Variants in AFG2A observed in about 807,000 individuals in gnomAD.
AFG2A encodes AAA ATPase AFG2A, also known as ATPase family gene 2 protein homolog A.
the AFG2A span, among the ~76,000 whole-genome samples, chr4:123,078,527 A>C: frequency 6.6e-6 from 1 of 152,234 alleles, no homozygotes; most frequent in Non-Finnish European, 1.5e-5. Context: ...ATAGAGGTAA[A>C]GAGCATGGAT....
At chr4:123,023,225 G>A in the AFG2A span, among the ~76,000 whole-genome samples, 1 of 151,858 alleles carries the variant, frequency 6.6e-6, no homozygotes, top group South Asian at 2.1e-4. Context: ...GGAAAAAAAA[G>A]GGTTAAAACT....
At chr4:123,043,064 G>T in the AFG2A span, among the ~76,000 whole-genome samples, 16 of 152,142 alleles carry the variant, frequency 1.1e-4, no homozygotes, top group Admixed American at 5.2e-4. Flanking sequence ...TTGTAGTGGA[G>T]ATCTACTAGT....
the AFG2A span, among the ~76,000 whole-genome samples, chr4:122,929,459 C>G: frequency 6.6e-6 from 1 of 152,052 alleles, no homozygotes; most frequent in African/African-American, 2.4e-5. Flanking sequence ...TTTGGGAGGC[C>G]GAGGTGAGTG....
At chr4:123,170,471 A>G in the AFG2A span, among the ~76,000 whole-genome samples, 2 of 152,212 alleles carry the variant, frequency 1.3e-5, no homozygotes, top group Non-Finnish European at 2.9e-5. Flanking sequence ...CATGGAGACT[A>G]TGAAAAGCAT....
the AFG2A span, among the ~76,000 whole-genome samples, chr4:122,945,997 GTTGA>G: frequency 0.034 from 5,114 of 152,206 alleles, 278 homozygotes; most frequent in African/African-American, 0.12. Flanking sequence ...CATGTCCCAG[GTTGA>G]TTCTCAGGTT....
the AFG2A span, among the ~76,000 whole-genome samples, chr4:123,123,951 C>CAAAAAAA: frequency 5.6e-5 from 2 of 35,774 alleles, no homozygotes; most frequent in African/African-American, 1.0e-4. Flanking sequence ...AACTCCGTCT[C>CAAAAAAA]AAAAAAAAAA....
chr4:123,227,126 G>C, the AFG2A span, among the ~76,000 whole-genome samples: 1 of 151,824 alleles, frequency 6.6e-6, no homozygotes, highest in African/African-American at 2.4e-5. Context: ...TCTTGCTAGC[G>C]GTCTATCAAT....
the AFG2A span, among the ~76,000 whole-genome samples, chr4:122,982,840 C>A: frequency 1.4e-5 from 2 of 147,914 alleles, no homozygotes; most frequent in African/African-American, 2.5e-5. Flanking sequence ...TTTCATTTCT[C>A]AGTTTATTTA....
At chr4:123,233,453 A>C in the AFG2A span, among the ~76,000 whole-genome samples, 1 of 151,990 alleles carries the variant, frequency 6.6e-6, no homozygotes, top group Admixed American at 6.6e-5. Context: ...AAAAGAAAAA[A>C]AGTTGAGAGT....
chr4:123,010,909 A>G, the AFG2A span, among the ~76,000 whole-genome samples: 1 of 152,246 alleles, frequency 6.6e-6, no homozygotes. Context: ...CAGCTATTAC[A>G]TGTAGCACAT....
the AFG2A span, among the ~76,000 whole-genome samples, chr4:123,261,510 T>A: frequency 6.6e-6 from 1 of 152,164 alleles, no homozygotes; most frequent in Admixed American, 6.5e-5. Context: ...AGAGATGATG[T>A]ATACAAGAGG....
chr4:122,933,694 A>G, the AFG2A span, among the ~76,000 whole-genome samples: 1 of 152,216 alleles, frequency 6.6e-6, no homozygotes, highest in South Asian at 2.1e-4. Flanking sequence ...AGCAGTGGAA[A>G]GAATATATGA....
At chr4:122,943,124 G>A in the AFG2A span, among the ~76,000 whole-genome samples, 1 of 152,186 alleles carries the variant, frequency 6.6e-6, no homozygotes, top group Non-Finnish European at 1.5e-5. Flanking sequence ...GATCTGGGGT[G>A]GAGAGTTGTG....
chr4:122,937,005 A>G, the AFG2A span, among the ~76,000 whole-genome samples: 17 of 152,156 alleles, frequency 1.1e-4, no homozygotes, highest in Non-Finnish European at 2.1e-4. Flanking sequence ...AAAAATAATT[A>G]GTTGGGCATG....
the AFG2A span, among the ~76,000 whole-genome samples, chr4:123,263,458 C>T: frequency 0.77 from 117,167 of 152,004 alleles, 45,973 homozygotes; most frequent in Non-Finnish European, 0.85. Flanking sequence ...GTTATTGTCA[C>T]TAAATAAACA....
the AFG2A span, among the ~76,000 whole-genome samples, chr4:123,037,458 C>G: frequency 6.6e-6 from 1 of 151,938 alleles, no homozygotes; most frequent in Admixed American, 6.6e-5. Flanking sequence ...CTTGATCATT[C>G]TTATCAGTAA....
chr4:123,106,606 G>A, the AFG2A span, among the ~76,000 whole-genome samples: 8 of 152,282 alleles, frequency 5.3e-5, no homozygotes, highest in African/African-American at 7.2e-5. Context: ...CTGCTTCTCC[G>A]CTCTTTTACC....
the AFG2A span, among the ~76,000 whole-genome samples, chr4:123,114,736 C>T: frequency 4.6e-5 from 7 of 152,340 alleles, no homozygotes; most frequent in East Asian, 1.9e-4. Flanking sequence ...GCAGAGCTCC[C>T]GCCAGTCCCT....
the AFG2A span, among the ~76,000 whole-genome samples, chr4:123,255,717 A>AT: frequency 1.1e-3 from 49 of 44,010 alleles, 1 homozygote; most frequent in African/African-American, 3.0e-3. Flanking sequence ...CTGCTTTTCT[A>AT]TTTTTTTTTT....
Sources: allele counts gnomAD v4.1 joint callset (sites outside exome capture counted in the v4.1 genomes callset), GRCh38; gene constraint gnomAD v4.1.1; transcripts MANE v1.5; gene names NCBI Gene and HGNC (gene_info 2026-07-23, HGNC 2026-07-21).